CADPS2: variants seen among roughly 807,000 people sequenced by gnomAD.
CADPS2 encodes calcium dependent secretion activator 2.
A neutral mutation model predicts 172.5 loss-of-function variants in CADPS2; 93 were observed. The observed-to-expected ratio is 0.54, with a 90% CI of 0.46 to 0.64. CADPS2 has a LOEUF of 0.64. CADPS2 is among the 30% of genes least tolerant of loss of function. The pLI, the probability that CADPS2 is intolerant of heterozygous loss-of-function variation, is 0.00. For synonymous variants in CADPS2, 546 were observed against 555.2 expected (o/e 0.98, Z 0.23); for missense variants, 1,420 against 1,565.9 (o/e 0.91, Z 1.57).
chr7:122,557,483 T>G (rs980445365), intron 7 of CADPS2, among the ~76,000 whole-genome samples: 7 of 152,068 alleles, frequency 4.6e-5, no homozygotes. Flanking sequence ...AACTTACCCA[T>G]AGCTCTCCTG....
At chr7:122,358,526 C>A (rs1272329861) in intron 27 of CADPS2, among the ~76,000 whole-genome samples, 1 of 151,848 alleles carries the variant, frequency 6.6e-6, no homozygotes, top group African/African-American at 2.4e-5. Context: ...AACTCATCAC[C>A]AAATCCAAGG....
At chr7:122,789,108 C>T (rs746516029) in intron 1 of CADPS2, among the ~76,000 whole-genome samples, 6 of 152,032 alleles carry the variant, frequency 3.9e-5, no homozygotes, top group East Asian at 1.9e-4. Context: ...TCTTGGTCCT[C>T]GGCTTGGGTG....
chr7:122,821,840 C>T (rs1445534406), intron 1 of CADPS2, among the ~76,000 whole-genome samples: 1 of 152,150 alleles, frequency 6.6e-6, no homozygotes, highest in African/African-American at 2.4e-5. Flanking sequence ...ACTTTTACCA[C>T]TTTCCCTTCT....
At chr7:122,405,507 A>G (rs2046539609) in intron 20 of CADPS2, among the ~76,000 whole-genome samples, 1 of 152,150 alleles carries the variant, frequency 6.6e-6, no homozygotes, top group Non-Finnish European at 1.5e-5. Flanking sequence ...TACCAAAAAT[A>G]TAAAAATTAG....
At chr7:122,578,020 T>C (rs1371660785) in intron 7 of CADPS2, among the ~76,000 whole-genome samples, 1 of 151,790 alleles carries the variant, frequency 6.6e-6, no homozygotes. Context: ...CATGTAAGGT[T>C]TTTTCTTTTA....
At chr7:122,546,162 G>C (rs143362101) in intron 8 of CADPS2, among the ~76,000 whole-genome samples, 1 of 152,126 alleles carries the variant, frequency 6.6e-6, no homozygotes. Context: ...TTGTGGTGAT[G>C]TTTCTTTTTA....
chr7:122,776,275 A>G (rs541905502), intron 1 of CADPS2, among the ~76,000 whole-genome samples: 1 of 152,236 alleles, frequency 6.6e-6, no homozygotes, highest in South Asian at 2.1e-4. Context: ...TCCCCTACAC[A>G]TGCTCTCTTG....
rs112164408 is a variant in CADPS2 at position 122,884,409 on chromosome 7, C to T, written c.339+1590G>A. 2.4e-3 allele frequency among the ~76,000 whole-genome samples: 362 copies of T among 152,144 alleles called. 1 individual carries two copies. Among genetic ancestry groups the T allele is most frequent in the African/African-American group, 8.0e-3 (330 of 41,476 alleles). ...TGGAGCAGCAGGCTCATAAAAACAC[C>T]GCGGGGCATTCAAAACTTACCTGAG... On this transcript the variant is annotated intron_variant, in intron 1 of 29. Coordinates refer to ENST00000449022, the MANE Select transcript of CADPS2 (RefSeq NM_017954.11).
In CADPS2 at chr7:122,657,540, G is replaced by C. The variant is rs193230689; in HGVS notation, c.786+5697C>G. Among the ~76,000 whole-genome samples, 714 of 152,206 alleles carry C rather than the reference G, an allele frequency of 4.7e-3. 6 individuals carry two copies. The highest frequency in any genetic ancestry group is 0.017 in the African/African-American group (692 of 41,528). On this transcript the variant is annotated intron_variant, in intron 3 of 29. Coordinates refer to ENST00000449022, the MANE Select transcript of CADPS2 (RefSeq NM_017954.11). ...GGTCCTTCACATCCCTTGTAAGTTG[G>C]ATTCCTAGGTATTTTGTTCTCTTTG...
chr7:122,493,948 C>A (rs1586610053), intron 9 of CADPS2, among the ~76,000 whole-genome samples: 1 of 152,004 alleles, frequency 6.6e-6, no homozygotes, highest in African/African-American at 2.4e-5. Flanking sequence ...GGTTTATTCA[C>A]TTTTTTAACG....
chr7:122,450,521 CTTTTT>C (rs11422329), intron 15 of CADPS2, among the ~76,000 whole-genome samples: 17 of 79,138 alleles, frequency 2.1e-4, no homozygotes, highest in African/African-American at 4.2e-4. Context: ...TATTGGTGGC[CTTTTT>C]TTTTTTTTTT....
chr7:122,333,764 C>T (rs1255105743), intron 28 of CADPS2, among the ~76,000 whole-genome samples: 1 of 152,172 alleles, frequency 6.6e-6, no homozygotes, highest in Non-Finnish European at 1.5e-5. Flanking sequence ...TGTGAGTATA[C>T]ACAAGGCTTT....
chr7:122,419,050 T>C (rs1009711847), intron 17 of CADPS2, among the ~76,000 whole-genome samples: 1 of 152,148 alleles, frequency 6.6e-6, no homozygotes, highest in Non-Finnish European at 1.5e-5. Flanking sequence ...AGCTCCCCTA[T>C]TACAGGCTCA....
intron 1 of CADPS2, among the ~76,000 whole-genome samples, chr7:122,775,244 T>C (rs980307798): frequency 4.6e-5 from 7 of 152,218 alleles, no homozygotes; most frequent in Admixed American, 3.3e-4. Flanking sequence ...TCTTAGACTA[T>C]TTGCAAGATA....
intron 1 of CADPS2, among the ~76,000 whole-genome samples, chr7:122,802,266 C>T (rs1485160307): frequency 1.3e-5 from 2 of 152,156 alleles, no homozygotes; most frequent in African/African-American, 4.8e-5. Flanking sequence ...CATGCATTTA[C>T]AATTCATTTT....
At chr7:122,881,681 A>C (rs2141765468) in intron 1 of CADPS2, among the ~76,000 whole-genome samples, 1 of 152,324 alleles carries the variant, frequency 6.6e-6, no homozygotes, top group East Asian at 1.9e-4. Flanking sequence ...CAGGCCAGAA[A>C]GAAAGGCATA....
chr7:122,470,181 G>A (rs2055728877), intron 14 of CADPS2, among the ~76,000 whole-genome samples: 1 of 151,982 alleles, frequency 6.6e-6, no homozygotes, highest in South Asian at 2.1e-4. Flanking sequence ...TGACTGATTG[G>A]TAGAATACTA....
chr7:122,829,538 G>A (rs1426090097), intron 1 of CADPS2, among the ~76,000 whole-genome samples: 1 of 152,030 alleles, frequency 6.6e-6, no homozygotes, highest in African/African-American at 2.4e-5. Flanking sequence ...TGGAAAAAAA[G>A]GTAAATGTTA....
At chr7:122,345,472 A>T in intron 28 of CADPS2, 102 bp downstream of exon 28, 1 of 695,966 alleles carries the variant, frequency 1.4e-6, no homozygotes, top group Non-Finnish European at 2.4e-6. Context: ...ATACAGGATC[A>T]CAAAAAGGAG....
Sources: gnomAD v4.1 joint callset for allele counts (sites outside exome capture counted in the v4.1 genomes callset) on GRCh38, gnomAD v4.1.1 for gene constraint, MANE v1.5 for transcripts, NCBI Gene and HGNC (gene_info 2026-07-23, HGNC 2026-07-21) for gene names.